Variants in CACNB2 observed in about 807,000 individuals in gnomAD.
The protein encoded by CACNB2 is voltage-dependent L-type calcium channel subunit beta-2.
A neutral mutation model predicts 73.3 loss-of-function variants in CACNB2; 42 were observed. The ratio of observed to expected loss-of-function variants is 0.57; its 90% confidence interval spans 0.45 to 0.74. The LOEUF is 0.74. Among genes scored for constraint, CACNB2 ranks in the 30% least tolerant of loss-of-function variants. The pLI, the probability that CACNB2 is intolerant of heterozygous loss-of-function variation, is 0.00. For missense variants in CACNB2, 940 were observed against 853.0 expected (o/e 1.10, Z -1.27); for synonymous variants, 348 against 310.3 (o/e 1.12, Z -1.28).
chr10:18,536,960 T>G (rs1339917792), intron 12 of CACNB2, among the ~76,000 whole-genome samples: 1 of 152,212 alleles, frequency 6.6e-6, no homozygotes, highest in African/African-American at 2.4e-5. Flanking sequence ...ATGCTTTACA[T>G]GCAATGCCTT....
At chr10:18,379,522 A>C (rs1351185711) in intron 2 of CACNB2, among the ~76,000 whole-genome samples, 3 of 151,728 alleles carry the variant, frequency 2.0e-5, no homozygotes, top group Admixed American at 6.6e-5. Context: ...CCCCATTTTA[A>C]TCACTTTTAA....
At chr10:18,341,031 A>G (rs2041213924) in intron 2 of CACNB2, 3 of 1,556,892 alleles carry the variant, frequency 1.9e-6, no homozygotes, top group Non-Finnish European at 2.7e-6. Context: ...TAAAGAAAAC[A>G]GGAATGCATA....
At chr10:18,348,400 A>G (rs575073325) in intron 2 of CACNB2, among the ~76,000 whole-genome samples, 13 of 152,350 alleles carry the variant, frequency 8.5e-5, no homozygotes, top group African/African-American at 3.1e-4. Context: ...TAGCTGGAAT[A>G]CAGAGGCCCA....
chr10:18,250,660 C>G (rs182109608), intron 2 of CACNB2, among the ~76,000 whole-genome samples: 70 of 152,134 alleles, frequency 4.6e-4, no homozygotes, highest in Non-Finnish European at 6.8e-4. Flanking sequence ...TAGATACTTA[C>G]GACCACTGTA....
intron 6 of CACNB2, 102 bp from the exon 7 acceptor site, chr10:18,514,134 A>G: frequency 1.6e-6 from 2 of 1,228,714 alleles, no homozygotes; most frequent in South Asian, 2.4e-5. Flanking sequence ...CACTCATGAT[A>G]GTTTTTTTTA....
At chr10:18,528,639 G>A (rs1422674568) in intron 10 of CACNB2, among the ~76,000 whole-genome samples, 2 of 152,150 alleles carry the variant, frequency 1.3e-5, no homozygotes, top group African/African-American at 4.8e-5. Context: ...TGTTAGCAAT[G>A]AGCATGATAC....
chr10:18,255,392 C>T (rs1207706036), intron 2 of CACNB2, among the ~76,000 whole-genome samples: 1 of 152,152 alleles, frequency 6.6e-6, no homozygotes, highest in African/African-American at 2.4e-5. Flanking sequence ...TCTGACCCTT[C>T]TAATTCTCGA....
intron 3 of CACNB2, among the ~76,000 whole-genome samples, chr10:18,471,325 A>G (rs942527948): frequency 2.6e-5 from 4 of 152,204 alleles, no homozygotes; most frequent in Non-Finnish European, 4.4e-5. Context: ...AGAAAGGAAG[A>G]AAGGTATTGA....
intron 5 of CACNB2, among the ~76,000 whole-genome samples, chr10:18,505,606 C>T (rs968245550): frequency 6.6e-6 from 1 of 152,138 alleles, no homozygotes; most frequent in African/African-American, 2.4e-5. Flanking sequence ...GACCCTGGCT[C>T]GGCCATAATA....
chr10:18,498,184 G>A (rs959338196), intron 3 of CACNB2, among the ~76,000 whole-genome samples, 171 bp from the exon 4 acceptor site: 4 of 152,210 alleles, frequency 2.6e-5, no homozygotes, highest in African/African-American at 9.7e-5. Flanking sequence ...ACAGCTGGGA[G>A]ATTTCAAGTG....
At chr10:18,181,251 C>T (rs1404383331) in intron 2 of CACNB2, among the ~76,000 whole-genome samples, 1 of 152,122 alleles carries the variant, frequency 6.6e-6, no homozygotes, top group African/African-American at 2.4e-5. Flanking sequence ...ATGAAACTTC[C>T]CTCTTAGCAA....
intron 3 of CACNB2, among the ~76,000 whole-genome samples, chr10:18,448,479 T>TAAAAAAAAAAAAAAAA (rs56255761): frequency 6.5e-5 from 7 of 107,044 alleles, no homozygotes; most frequent in Admixed American, 2.1e-4. Context: ...CTCTCTCATT[T>TAAAAAAAAAAAAAAAA]AAAAAAAAAA....
chr10:18,388,249 C>T (rs916055097), intron 2 of CACNB2, among the ~76,000 whole-genome samples: 1 of 152,046 alleles, frequency 6.6e-6, no homozygotes, highest in Non-Finnish European at 1.5e-5. Flanking sequence ...TACTTTTGAC[C>T]AATGGTATAT....
intron 3 of CACNB2, among the ~76,000 whole-genome samples, chr10:18,425,232 A>G (rs1474058769): frequency 1.3e-5 from 2 of 151,052 alleles, no homozygotes; most frequent in Non-Finnish European, 3.0e-5. Flanking sequence ...ATATGTCATT[A>G]TTTTTGTTGG....
Position 18,492,631 on chromosome 10 carries a change from AAAAAAAAG to A in CACNB2, c.334-5711_334-5704del, listed in dbSNP as rs1160146096. Among the ~76,000 whole-genome samples the A allele has an allele frequency of 8.6e-3, 1,208 of 139,690 alleles. 11 individuals carry two copies. Among genetic ancestry groups the A allele is most frequent in the African/African-American group, 0.03 (923 of 30,480 alleles). 91.6% of individuals were successfully genotyped at this position (139,690 alleles called of 152,430 possible). A position where few individuals can be genotyped will look rare whatever the true frequency, so the allele number is the denominator to read the frequency against. On this transcript the variant is annotated intron_variant, in intron 3 of 13. Coordinates refer to ENST00000324631, the MANE Select transcript of CACNB2 (RefSeq NM_201596.3). ...GCAAGACTCTGTCTCAAAAAAAAAA[AAAAAAAAG>A]AAAAAAAGAAAAGAAAAGAAAAAAG...
At chr10:18,174,680 A>G (rs1398116223) in intron 2 of CACNB2, among the ~76,000 whole-genome samples, 1 of 152,160 alleles carries the variant, frequency 6.6e-6, no homozygotes, top group Non-Finnish European at 1.5e-5. Context: ...CTGAGATTAC[A>G]GGCGTAAGCC....
chr10:18,279,171 T>C (rs1564399347), intron 2 of CACNB2, among the ~76,000 whole-genome samples: 1 of 152,256 alleles, frequency 6.6e-6, no homozygotes, highest in Non-Finnish European at 1.5e-5. Context: ...GATTTGGCTG[T>C]CTTTCTGAAA....
intron 2 of CACNB2, among the ~76,000 whole-genome samples, chr10:18,347,827 A>G (rs1428237565): frequency 6.6e-6 from 1 of 152,124 alleles, no homozygotes; most frequent in African/African-American, 2.4e-5. Flanking sequence ...GTTGAGGACT[A>G]TTTTCGTGAC....
intron 1 of CACNB2, among the ~76,000 whole-genome samples, chr10:18,142,754 G>A (rs2030551422): frequency 6.6e-6 from 1 of 152,178 alleles, no homozygotes; most frequent in South Asian, 2.1e-4. Flanking sequence ...TTGTACAGCA[G>A]CAATGTGGAA....
Sources: gnomAD v4.1 joint callset for allele counts (sites outside exome capture counted in the v4.1 genomes callset) on GRCh38, gnomAD v4.1.1 for gene constraint, MANE v1.5 for transcripts, NCBI Gene and HGNC (gene_info 2026-07-23, HGNC 2026-07-21) for gene names.